NUP43: variants seen among roughly 807,000 people sequenced by gnomAD.
The protein encoded by NUP43 is nucleoporin 43.
NUP43 carries 32 observed loss-of-function variants against 47.3 expected under a neutral mutation model. That is an observed-to-expected ratio of 0.68 (90% CI 0.51 to 0.91). NUP43 has a LOEUF of 0.91. Among genes scored for constraint, NUP43 ranks in the 40% least tolerant of loss-of-function variants. NUP43 has a pLI of 0.00. For synonymous variants in NUP43, 147 were observed against 158.4 expected (o/e 0.93, Z 0.54); for missense variants, 444 against 453.9 (o/e 0.98, Z 0.20).
chr6:149,735,793 T>A, intron 6 of NUP43, among the ~76,000 whole-genome samples: 2 of 144,996 alleles, frequency 1.4e-5, no homozygotes, highest in African/African-American at 2.6e-5. Flanking sequence ...ACCCCATATC[T>A]ACAAAAAAAA....
chr6:149,745,134 C>G (rs1484875919), intron 2 of NUP43, among the ~76,000 whole-genome samples: 1 of 151,864 alleles, frequency 6.6e-6, no homozygotes, highest in Non-Finnish European at 1.5e-5. Flanking sequence ...GGCGCCATGG[C>G]TCACTCCTGT....
Position 149,746,025 on chromosome 6 carries a change from C to A in NUP43, c.158G>T (p.Gly53Val). The A allele has an allele frequency of 6.2e-7, 1 of 1,613,926 alleles. No homozygotes were observed. Among genetic ancestry groups the A allele is most frequent in the Non-Finnish European group, 8.5e-7 (1 of 1,179,934 alleles). The change falls in exon 2 of 8, where the codon GGA becomes GTA. Residue 53 changes from glycine to valine, a missense_variant. Physicochemically the swap from Gly to Val is moderately radical, Grantham distance 109 (BLOSUM62 -3). Coordinates refer to ENST00000340413, the MANE Select transcript of NUP43 (RefSeq NM_198887.3). ...YISLWSIGDF[G>V]NLDSDGGFEG... ...AAACCCTCCATCAGAGTCCAAGTTT[C>A]CAAAATCTCCAATAGACCACAGTGA...
At position 149,736,420 on chromosome 6, in the gene NUP43, A is replaced by G. The variant is rs1447581105; in HGVS notation, c.790+51T>C. The G allele has an allele frequency of 2.9e-6, 4 of 1,361,906 alleles. No homozygotes were observed. The Admixed American group carries it at 5.8e-5, about 20-fold the overall frequency. The allele number at this position is 1,361,906 out of a possible 1,614,324, so 84.4% of individuals were successfully genotyped here. On this transcript the variant is annotated intron_variant, in intron 6 of 7. Transcript: ENST00000340413. ...ATCATTATGGAAAGGTGCTTATTAT[A>G]TGTCATATAACTCACCCAATATAAA... is the stretch of plus-strand genomic sequence containing the variant.
chr6:149,748,808 C>CAA (rs1161065299), upstream of NUP43, among the ~76,000 whole-genome samples: 371 of 87,282 alleles, frequency 4.3e-3, 12 homozygotes, highest in African/African-American at 0.013. Context: ...GACTCCGTCT[C>CAA]AAAAAAAAAA....
chr6:149,743,545 A>G, intron 3 of NUP43, 93 bp downstream of exon 3: 1 of 727,042 alleles, frequency 1.4e-6, no homozygotes, highest in Non-Finnish European at 2.3e-6. Flanking sequence ...CGGTGAGCCG[A>G]GACTGCGCCA....
Position 149,726,009 on chromosome 6 carries a change from C to T in NUP43, c.*960G>A, listed in dbSNP as rs997906145. 5 of 152,152 alleles carry T rather than the reference C, an allele frequency of 3.3e-5. No individual in the cohort carries two copies. The highest frequency in any genetic ancestry group is 5.9e-5 in the Non-Finnish European group (4 of 68,028). The allele number at this position is 152,152 out of a possible 1,614,324, so 9.4% of individuals were successfully genotyped here. ...CAATGTCCAGTTTGGCAACTTTCAG[C>T]TATGCTGTGAAGCTAAACAAAAGCA... On this transcript the variant is annotated 3_prime_UTR_variant, in exon 8 of 8. Transcript: ENST00000340413.
At chr6:149,747,293 C>CT (rs1187492049), upstream of NUP43, among the ~76,000 whole-genome samples, 1 of 151,306 alleles carries the variant, frequency 6.6e-6, no homozygotes, top group East Asian at 1.9e-4. Flanking sequence ...CATTTTTTTT[C>CT]TTTTTTAAGA....
intron 4 of NUP43, 84 bp downstream of exon 4, chr6:149,742,306 G>C (rs1053643950): frequency 3.1e-5 from 41 of 1,319,612 alleles, no homozygotes; most frequent in Non-Finnish European, 4.2e-5. Flanking sequence ...AATTGCCGGG[G>C]TGAGCCACCA....
chr6:149,742,875 A>C (rs1273925812), intron 3 of NUP43, among the ~76,000 whole-genome samples: 2 of 152,128 alleles, frequency 1.3e-5, no homozygotes, highest in African/African-American at 4.8e-5. Flanking sequence ...ATTAACCTAC[A>C]TCTAAAATAT....
intron 7 of NUP43, chr6:149,728,268 A>C: frequency 1.0e-6 from 1 of 981,530 alleles, no homozygotes; most frequent in Non-Finnish European, 1.2e-6. Context: ...TTGCAATAGT[A>C]GACACAGAAT....
Position 149,743,638 on chromosome 6 carries a change from C to A in NUP43, c.321G>T (p.Gln107His). ...CACTTCTCAAACTAAAGTTCTTTACCTGGTTATTTGGATGGTGAAGGAAAA... is the reference window on the plus strand; with the variant it reads ...CACTTCTCAAACTAAAGTTCTTTACATGGTTATTTGGATGGTGAAGGAAAA... Reference protein sequence around the residue: ...VTVFLHHPNNQTLSVNQQWTT... With the variant: ...VTVFLHHPNNHTLSVNQQWTT... The change falls in exon 3 of 8, where the codon CAG becomes CAT. Residue 107 changes from glutamine (Q) to histidine (H), a missense_variant and splice_region_variant. Physicochemically the swap from Gln to His is conservative, Grantham distance 24. Transcript: ENST00000340413. 1 of 1,580,852 alleles carries A rather than the reference C, an allele frequency of 6.3e-7. No homozygotes were observed. The highest frequency in any genetic ancestry group is 8.7e-7 in the Non-Finnish European group (1 of 1,154,702).
chr6:149,738,251 G>A (rs1241611083), intron 5 of NUP43, among the ~76,000 whole-genome samples: 3 of 151,978 alleles, frequency 2.0e-5, no homozygotes, highest in Non-Finnish European at 4.4e-5. Context: ...TTTTCAGTGT[G>A]ACACATTCTA....
At chr6:149,732,768 C>A (rs2115094471) in intron 6 of NUP43, among the ~76,000 whole-genome samples, 1 of 152,222 alleles carries the variant, frequency 6.6e-6, no homozygotes, top group South Asian at 2.1e-4. Flanking sequence ...ATTGCTTGAA[C>A]CCGGGAGGCA....
chr6:149,733,618 G>T (rs1331038715), intron 6 of NUP43, among the ~76,000 whole-genome samples: 1 of 151,936 alleles, frequency 6.6e-6, no homozygotes, highest in South Asian at 2.1e-4. Flanking sequence ...GCTAACTTTT[G>T]TATTTTTAAC....
chr6:149,737,342 A>G (rs1785422010), intron 5 of NUP43, among the ~76,000 whole-genome samples: 1 of 151,818 alleles, frequency 6.6e-6, no homozygotes, highest in African/African-American at 2.4e-5. Flanking sequence ...CTACAGTGCA[A>G]TGGCCTATCT....
chr6:149,745,790 G>A (rs954890463), intron 2 of NUP43, 150 bp downstream of exon 2: 23 of 571,974 alleles, frequency 4.0e-5, no homozygotes, highest in Admixed American at 6.2e-5. Context: ...CCACTAAATG[G>A]CTAAATGATG....
intron 7 of NUP43, chr6:149,727,642 C>T: frequency 1.3e-6 from 1 of 790,200 alleles, no homozygotes; most frequent in Non-Finnish European, 1.5e-6. Context: ...ATGAACATTT[C>T]TAGAAATATA....
chr6:149,745,729 T>G (rs2115167556), intron 2 of NUP43, among the ~76,000 whole-genome samples: 1 of 152,306 alleles, frequency 6.6e-6, no homozygotes, highest in East Asian at 1.9e-4. Flanking sequence ...GACAGTCAAT[T>G]AATAAAAAAG....
chr6:149,746,506 G>A lies in NUP43; in HGVS notation c.-11C>T. 1.2e-6 allele frequency: 2 copies of A among 1,614,184 alleles called. No individual in the cohort carries two copies. The highest frequency in any genetic ancestry group is 1.7e-6 in the Non-Finnish European group (2 of 1,180,030). On this transcript the variant is annotated 5_prime_UTR_variant, in exon 1 of 8. Transcript: ENST00000340413. ...ATAAATTTCCTCCATGCCGAAAGCG[G>A]CCGCAGCAGGTACTGCAAAAAGCAA...
Sources: gnomAD v4.1 joint callset for allele counts (sites outside exome capture counted in the v4.1 genomes callset) on GRCh38, gnomAD v4.1.1 for gene constraint, MANE v1.5 for transcripts, NCBI Gene and HGNC (gene_info 2026-07-23, HGNC 2026-07-21) for gene names.